Variants in DNAI4 observed in about 807,000 individuals in gnomAD.
The protein encoded by DNAI4 is WD repeat domain 78.
A neutral mutation model predicts 105.8 loss-of-function variants in DNAI4; 85 were observed. That is an observed-to-expected ratio of 0.80 (90% confidence interval 0.67 to 0.96). DNAI4 has a LOEUF of 0.96. Among genes scored for constraint, DNAI4 ranks in the 40% least tolerant of loss-of-function variants. The probability of loss-of-function intolerance (pLI) is 0.00; values close to 1 mark genes in which losing one functional copy is unlikely to be tolerated. For synonymous variants in DNAI4, 352 were observed against 331.5 expected (o/e 1.06, Z -0.67); for missense variants, 1,014 against 1,005.6 (o/e 1.01, Z -0.11).
In DNAI4 at chr1:66,826,832, A is replaced by T. The variant is rs764926761; in HGVS notation, c.2327T>A (p.Leu776His). ...AATAGTAACTTACGTGCTGATATGA[A>T]GGTCCCAAATCTCCACCCTGTTCTC... ...ANENRVEIWD[L>H]HISTLDPLIV... Residue 776 changes from leucine to histidine, a missense_variant, in exon 15 of 17, where the codon CTT becomes CAT. Leu to His is a moderately conservative substitution (Grantham distance 99, BLOSUM62 -3). Transcript: ENST00000371026. The T allele has an allele frequency of 6.2e-7, 1 of 1,613,978 alleles. No homozygotes were observed. The highest frequency in any genetic ancestry group is 8.5e-7 in the Non-Finnish European group (1 of 1,179,962).
intron 16 of DNAI4, among the ~76,000 whole-genome samples, chr1:66,816,777 GT>G (rs1332181487): frequency 1.4e-5 from 2 of 138,450 alleles, no homozygotes; most frequent in Admixed American, 1.5e-4. Context: ...ACACACACAG[GT>G]TTGCCAAAAA....
chr1:66,859,924 A>G (rs1646589211), intron 7 of DNAI4, among the ~76,000 whole-genome samples: 1 of 152,156 alleles, frequency 6.6e-6, no homozygotes, highest in African/African-American at 2.4e-5. Flanking sequence ...GTTAAAATAC[A>G]AAGAACTATA....
chr1:66,868,500 A>C (rs568244521), intron 6 of DNAI4, among the ~76,000 whole-genome samples: 4 of 152,266 alleles, frequency 2.6e-5, no homozygotes, highest in Admixed American at 2.6e-4. Context: ...CAATACACTG[A>C]GGGCTGAATA....
chr1:66,827,760 G>T, intron 14 of DNAI4, 52 bp downstream of exon 14: 1 of 1,120,100 alleles, frequency 8.9e-7, no homozygotes, highest in Non-Finnish European at 1.3e-6. Flanking sequence ...TAATGGTACT[G>T]TTTTTTCAGA....
chr1:66,874,908 T>G lies in DNAI4; in HGVS notation c.673A>C (p.Lys225Gln). The G allele has an allele frequency of 6.2e-7, 1 of 1,612,116 alleles. No individual in the cohort carries two copies. The highest frequency in any genetic ancestry group is 8.5e-7 in the Non-Finnish European group (1 of 1,179,412). The change falls in exon 5 of 17, where the codon AAA (lysine) becomes CAA (glutamine). Residue 225 changes from lysine (K) to glutamine (Q), a missense_variant. Physicochemically the swap from Lys to Gln is moderately conservative, Grantham distance 53. Transcript: ENST00000371026. Reference protein sequence around the residue: ...DLQVIRAAPEKIVTKEDLEKN... With the variant: ...DLQVIRAAPEQIVTKEDLEKN... ...TCCAGGTCTTCTTTTGTTACAATTT[T>G]TTCAGGTGCTGCCCTTATAACTTGC...
chr1:66,823,246 T>G (rs1645674012), intron 15 of DNAI4, among the ~76,000 whole-genome samples: 1 of 149,002 alleles, frequency 6.7e-6, no homozygotes, highest in Non-Finnish European at 1.5e-5. Context: ...ACTCATCATT[T>G]TTTATGGCTG....
chr1:66,899,964 T>G (rs1648668080), intron 2 of DNAI4, among the ~76,000 whole-genome samples: 1 of 152,262 alleles, frequency 6.6e-6, no homozygotes, highest in African/African-American at 2.4e-5. Context: ...TACTATTGCT[T>G]TGTAACTTTT....
intron 5 of DNAI4, among the ~76,000 whole-genome samples, chr1:66,874,372 G>A (rs1398026289): frequency 6.6e-6 from 1 of 151,830 alleles, no homozygotes; most frequent in Non-Finnish European, 1.5e-5. Flanking sequence ...ATATTAGGTT[G>A]GTGCAAAAGT....
At chr1:66,883,588 G>C (rs1925399) in intron 4 of DNAI4, among the ~76,000 whole-genome samples, 24,646 of 152,034 alleles carry the variant, frequency 0.16, 2,414 homozygotes, top group African/African-American at 0.28. Flanking sequence ...CAATCTGCAT[G>C]AACTTTATTC....
chr1:66,849,069 C>G (rs1646339493), intron 7 of DNAI4, among the ~76,000 whole-genome samples: 1 of 152,114 alleles, frequency 6.6e-6, no homozygotes, highest in Admixed American at 6.5e-5. Flanking sequence ...CAGTGGAGAC[C>G]AGCTGGGGAT....
intron 4 of DNAI4, among the ~76,000 whole-genome samples, chr1:66,881,809 A>G (rs1237555974): frequency 6.6e-6 from 1 of 152,200 alleles, no homozygotes; most frequent in East Asian, 1.9e-4. Context: ...GTGGAATGAT[A>G]TAGTTTGGCT....
At chr1:66,849,244 T>C (rs1040512499) in intron 7 of DNAI4, among the ~76,000 whole-genome samples, 1 of 152,220 alleles carries the variant, frequency 6.6e-6, no homozygotes, top group African/African-American at 2.4e-5. Flanking sequence ...GTAGCACTAA[T>C]GAAGCATTCT....
intron 5 of DNAI4, among the ~76,000 whole-genome samples, chr1:66,873,208 T>TTCTCCCTCC (rs1168897540): frequency 6.6e-6 from 1 of 150,660 alleles, no homozygotes; most frequent in South Asian, 2.1e-4. Context: ...CTCCCTCTCC[T>TTCTCCCTCC]TCTCCCTCCT....
At chr1:66,922,341 G>C (rs1225137868) in intron 1 of DNAI4, among the ~76,000 whole-genome samples, 1 of 149,076 alleles carries the variant, frequency 6.7e-6, no homozygotes. Context: ...GTTACCTAAA[G>C]GAGGTGAGTC....
rs187718097 is a variant in DNAI4, at chr1:66,816,916, A to G, written c.2497-2736T>C. ...TCTTCTATATTCCAGTCTATATTTT[A>G]TACTTTTACCAACTATAAATGTGTC... On this transcript the variant is annotated intron_variant, in intron 16 of 16. Coordinates refer to ENST00000371026, the MANE Select transcript of DNAI4 (RefSeq NM_024763.5). Among the ~76,000 whole-genome samples the G allele has an allele frequency of 3.3e-5, 5 of 152,220 alleles. No individual in the cohort carries two copies. In the East Asian group the frequency reaches 9.6e-4, roughly 29 times the overall value.
intron 1 of DNAI4, among the ~76,000 whole-genome samples, chr1:66,920,529 C>A (rs994227307): frequency 6.6e-6 from 1 of 152,130 alleles, no homozygotes; most frequent in Non-Finnish European, 1.5e-5. Flanking sequence ...ATCGTGGATA[C>A]CCTCCCCTAG....
chr1:66,818,437 CTT>C (rs1332595916), intron 16 of DNAI4, among the ~76,000 whole-genome samples: 4 of 151,988 alleles, frequency 2.6e-5, no homozygotes, highest in Non-Finnish European at 4.4e-5. Context: ...CAAAAACTCA[CTT>C]AGCATGTATT....
At chr1:66,872,768 T>A (rs1646874238) in intron 5 of DNAI4, among the ~76,000 whole-genome samples, 1 of 152,080 alleles carries the variant, frequency 6.6e-6, no homozygotes, top group Non-Finnish European at 1.5e-5. Context: ...CTCACTGTGT[T>A]GTCCAGGGTG....
intron 4 of DNAI4, among the ~76,000 whole-genome samples, chr1:66,875,678 G>A (rs1365539411): frequency 6.6e-6 from 1 of 152,048 alleles, no homozygotes; most frequent in African/African-American, 2.4e-5. Context: ...AGGGTATACA[G>A]CAGACATTCA....
Sources: gnomAD v4.1 joint callset for allele counts (sites outside exome capture counted in the v4.1 genomes callset) on GRCh38, gnomAD v4.1.1 for gene constraint, MANE v1.5 for transcripts, NCBI Gene and HGNC (gene_info 2026-07-23, HGNC 2026-07-21) for gene names.